Variants in ST6GALNAC3 observed in about 807,000 individuals in gnomAD.
ST6GALNAC3 encodes ST6 N-acetylgalactosaminide alpha-2,6-sialyltransferase 3, also known as alpha-N-acetylgalactosaminide alpha-2,6-sialyltransferase 3.
A neutral mutation model predicts 32.7 loss-of-function variants in ST6GALNAC3; 25 were observed. The observed-to-expected ratio is 0.76, with a 90% CI of 0.56 to 1.07. The LOEUF (loss-of-function observed/expected upper bound fraction) is 1.07, where lower values mean the gene tolerates loss of function less well. Ranked by LOEUF, ST6GALNAC3 falls within the 50% of genes least tolerant of loss-of-function variation. The pLI is 0.00. For synonymous variants in ST6GALNAC3, 129 were observed against 133.1 expected (o/e 0.97, Z 0.21); for missense variants, 355 against 382.4 (o/e 0.93, Z 0.60).
chr1:76,203,528 T>TTG (rs1654654686), intron 1 of ST6GALNAC3, among the ~76,000 whole-genome samples: 1 of 128,322 alleles, frequency 7.8e-6, no homozygotes, highest in Non-Finnish European at 1.7e-5. Context: ...TTGTGTATTT[T>TTG]TTTTGGAAAA....
At chr1:76,086,712 C>G (rs186327599) in intron 1 of ST6GALNAC3, among the ~76,000 whole-genome samples, 1 of 152,230 alleles carries the variant, frequency 6.6e-6, no homozygotes, top group Admixed American at 6.5e-5. Flanking sequence ...CTTGCAGAGT[C>G]CCGGGATATA....
intron 3 of ST6GALNAC3, among the ~76,000 whole-genome samples, chr1:76,520,307 G>A (rs895197955): frequency 4.6e-5 from 7 of 152,114 alleles, no homozygotes; most frequent in Non-Finnish European, 8.8e-5. Context: ...TATAAGGATA[G>A]GTCATAGCCT....
At chr1:76,122,497 C>T (rs896622743) in intron 1 of ST6GALNAC3, among the ~76,000 whole-genome samples, 6 of 152,188 alleles carry the variant, frequency 3.9e-5, no homozygotes, top group Admixed American at 3.9e-4. Context: ...TGGCAAAGCA[C>T]TGAGCTATTT....
intron 1 of ST6GALNAC3, among the ~76,000 whole-genome samples, chr1:76,278,525 G>T (rs569333489): frequency 6.6e-6 from 1 of 151,936 alleles, no homozygotes; most frequent in Non-Finnish European, 1.5e-5. Context: ...TTTTTTAATG[G>T]ATTTCAGTGT....
At chr1:76,461,131 T>A (rs1379287435) in intron 3 of ST6GALNAC3, among the ~76,000 whole-genome samples, 1 of 152,176 alleles carries the variant, frequency 6.6e-6, no homozygotes, top group East Asian at 1.9e-4. Context: ...GGTCATTGTT[T>A]TATTTAATCT....
chr1:76,598,006 T>C (rs1340648224), intron 3 of ST6GALNAC3, among the ~76,000 whole-genome samples: 1 of 152,036 alleles, frequency 6.6e-6, no homozygotes, highest in African/African-American at 2.4e-5. Context: ...ACACCAAAAG[T>C]TTATTACTCA....
chr1:76,248,276 G>C (rs192034008), intron 1 of ST6GALNAC3, among the ~76,000 whole-genome samples: 2 of 152,188 alleles, frequency 1.3e-5, no homozygotes, highest in African/African-American at 4.8e-5. Flanking sequence ...TCCCTCTCTC[G>C]CCAGATGCCC....
chr1:76,571,949 T>C (rs1665886978), intron 3 of ST6GALNAC3, among the ~76,000 whole-genome samples: 1 of 152,124 alleles, frequency 6.6e-6, no homozygotes, highest in Admixed American at 6.6e-5. Flanking sequence ...CAAAAATTAT[T>C]GCCCTTTTGA....
chr1:76,587,058 G>A (rs1646972679), intron 3 of ST6GALNAC3, among the ~76,000 whole-genome samples: 1 of 152,190 alleles, frequency 6.6e-6, no homozygotes, highest in East Asian at 1.9e-4. Context: ...CTTTAACACT[G>A]AATGAAAAGA....
chr1:76,199,716 G>C (rs902145790), intron 1 of ST6GALNAC3, among the ~76,000 whole-genome samples: 1 of 152,200 alleles, frequency 6.6e-6, no homozygotes, highest in African/African-American at 2.4e-5. Context: ...TCTGTGCTGT[G>C]TGCTTGGATT....
chr1:76,512,595 A>C (rs1489598475), intron 3 of ST6GALNAC3, among the ~76,000 whole-genome samples: 1 of 152,160 alleles, frequency 6.6e-6, no homozygotes, highest in Admixed American at 6.5e-5. Context: ...TCTCTTCTAG[A>C]TATTTGGTAA....
intron 3 of ST6GALNAC3, among the ~76,000 whole-genome samples, chr1:76,428,588 T>C (rs1051548751): frequency 6.6e-6 from 1 of 152,046 alleles, no homozygotes; most frequent in African/African-American, 2.4e-5. Flanking sequence ...GTGGTCATCA[T>C]TATAGGAAAA....
chr1:76,193,684 G>A (rs1654035972), intron 1 of ST6GALNAC3, among the ~76,000 whole-genome samples: 2 of 152,118 alleles, frequency 1.3e-5, no homozygotes, highest in South Asian at 4.1e-4. Context: ...CTATCTTACT[G>A]ATCCTCTGTC....
chr1:76,456,308 T>A (rs943308798), intron 3 of ST6GALNAC3, among the ~76,000 whole-genome samples: 1 of 152,178 alleles, frequency 6.6e-6, no homozygotes, highest in African/African-American at 2.4e-5. Context: ...TGCTACAGAT[T>A]TATATGGTCT....
At chr1:76,335,971 T>A (rs1291572220) in intron 2 of ST6GALNAC3, among the ~76,000 whole-genome samples, 1 of 152,218 alleles carries the variant, frequency 6.6e-6, no homozygotes, top group African/African-American at 2.4e-5. Flanking sequence ...CAGCTAGCAG[T>A]GCCACAGCTG....
intron 3 of ST6GALNAC3, among the ~76,000 whole-genome samples, chr1:76,474,139 A>C (rs570347075): frequency 7.2e-5 from 11 of 152,196 alleles, no homozygotes; most frequent in Non-Finnish European, 1.6e-4. Context: ...GCACAGAGAC[A>C]AACCATTGCC....
At chr1:76,259,809 G>T (rs1237901194) in intron 1 of ST6GALNAC3, among the ~76,000 whole-genome samples, 73 of 151,962 alleles carry the variant, frequency 4.8e-4, no homozygotes, top group Non-Finnish European at 1.0e-4. Flanking sequence ...ATTTTCTTTG[G>T]TTTACAAAGC....
At chr1:76,626,886 G>A (rs1471704200) in intron 3 of ST6GALNAC3, among the ~76,000 whole-genome samples, 20 of 151,868 alleles carry the variant, frequency 1.3e-4, no homozygotes, top group Admixed American at 1.3e-3. Flanking sequence ...GGTAACATAG[G>A]TCTTAAAAAG....
chr1:76,207,354 T>G lies in ST6GALNAC3; in HGVS notation c.19-106451T>G, dbSNP rs143821176. Among the ~76,000 whole-genome samples, 119 of 152,360 alleles carry G rather than the reference T, an allele frequency of 7.8e-4. No homozygotes were observed. The East Asian group carries it at 0.013, about 17-fold the overall frequency. On this transcript the variant is annotated intron_variant, in intron 1 of 4. Transcript: ENST00000328299. The stretch of plus-strand genomic sequence containing the variant: ...CTGCACTGCCTCCACAACTGCTCCT[T>G]CTGCTCCTGCCTATATAGGCTTTAG...
Sources: allele counts gnomAD v4.1 joint callset (sites outside exome capture counted in the v4.1 genomes callset), GRCh38; gene constraint gnomAD v4.1.1; transcripts MANE v1.5; gene names NCBI Gene and HGNC (gene_info 2026-07-23, HGNC 2026-07-21).